Variants in ARMC9 observed in about 807,000 individuals in gnomAD.
ARMC9 encodes armadillo repeat containing 9.
In ARMC9, 94 loss-of-function variants were observed where a neutral mutation model predicts 107.0. That is an observed-to-expected ratio of 0.88 (90% CI 0.74 to 1.04). The LOEUF is 1.04. Ranked by LOEUF, ARMC9 falls within the 50% of genes least tolerant of loss-of-function variation. The pLI, the probability that ARMC9 is intolerant of heterozygous loss-of-function variation, is 0.00. For missense variants in ARMC9, 942 were observed against 1,030.1 expected, an observed-to-expected ratio of 0.91 and a Z score of 1.17; for synonymous variants, 380 against 396.9, an observed-to-expected ratio of 0.96 and a Z score of 0.51.
chr2:231,240,231 T>C (rs1553602504), intron 9 of ARMC9, 190 bp downstream of exon 9: 1 of 610,964 alleles, frequency 1.6e-6, no homozygotes, highest in Non-Finnish European at 2.8e-6. Context: ...GCTGGCCTCC[T>C]AGGGAGGGTG....
At chr2:231,364,317 A>T (rs2045720069) in intron 23 of ARMC9, among the ~76,000 whole-genome samples, 1 of 152,248 alleles carries the variant, frequency 6.6e-6, no homozygotes. Context: ...AGCTCCTCGC[A>T]CTCAGGCCCA....
chr2:231,213,116 T>C (rs893122834), intron 3 of ARMC9, among the ~76,000 whole-genome samples: 8 of 152,298 alleles, frequency 5.3e-5, no homozygotes, highest in Admixed American at 3.3e-4. Flanking sequence ...AAACAAGTAA[T>C]TTTTAAAAAT....
chr2:231,289,168 A>T (rs1486084148), intron 17 of ARMC9, among the ~76,000 whole-genome samples: 2 of 152,180 alleles, frequency 1.3e-5, no homozygotes, highest in African/African-American at 2.4e-5. Flanking sequence ...GTGATTTTTT[A>T]AAAATACATG....
intron 21 of ARMC9, among the ~76,000 whole-genome samples, chr2:231,353,521 AG>A (rs1465688174): frequency 1.9e-5 from 2 of 107,174 alleles, no homozygotes; most frequent in South Asian, 2.2e-4. Context: ...AAACCACACC[AG>A]GAAGGCCAGG....
At chr2:231,231,361 C>G (rs1404018703) in intron 7 of ARMC9, among the ~76,000 whole-genome samples, 1 of 152,066 alleles carries the variant, frequency 6.6e-6, no homozygotes, top group Non-Finnish European at 1.5e-5. Flanking sequence ...TAATTTTGAA[C>G]TCTCTATATA....
Position 231,216,776 on chromosome 2 carries a change from T to A in ARMC9, c.487T>A (p.Phe163Ile), listed in dbSNP as rs1405827524. ...FVPNPMVHPS[F>I]KELFQDSWTP... ...TCCCAACCCTATGGTGCACCCCTCA[T>A]TTAAAGAACTCTTCCAGGTAAATGT... Residue 163 changes from phenylalanine (F) to isoleucine (I), a missense_variant, in exon 5 of 25, where the codon TTT becomes ATT. Coordinates refer to ENST00000611582, the MANE Select transcript of ARMC9 (RefSeq NM_001352754.2). 1 of 1,612,846 alleles carries A rather than the reference T, an allele frequency of 6.2e-7. No homozygotes were observed. The highest frequency in any genetic ancestry group is 1.3e-5 in the African/African-American group (1 of 74,972).
chr2:231,301,448 A>G (rs1334957791), intron 19 of ARMC9, among the ~76,000 whole-genome samples: 3 of 152,152 alleles, frequency 2.0e-5, no homozygotes, highest in Non-Finnish European at 4.4e-5. Context: ...CTAGGAGAAC[A>G]TGAAGGAGCC....
rs1017688945 is a variant in ARMC9, at chr2:231,230,862, C to T, written c.622+4064C>T. Among the ~76,000 whole-genome samples, 7 of 152,172 alleles carry T rather than the reference C, an allele frequency of 4.6e-5. No individual in the cohort carries two copies. In the South Asian group the frequency reaches 1.0e-3, roughly 23 times the overall value. ...TGTTCAGTACAGGTGCTTCTTTTCC[C>T]GAATATTTTCAACCTGAGGTGGTTG... On this transcript the variant is annotated intron_variant, in intron 7 of 24. Transcript: ENST00000611582.
intron 9 of ARMC9, among the ~76,000 whole-genome samples, chr2:231,250,281 T>G (rs1341799452): frequency 6.6e-6 from 1 of 152,180 alleles, no homozygotes; most frequent in Non-Finnish European, 1.5e-5. Context: ...TTGGGGCTTG[T>G]GATTGTTGAT....
chr2:231,219,638 G>A (rs1449869452), intron 5 of ARMC9, among the ~76,000 whole-genome samples: 1 of 152,004 alleles, frequency 6.6e-6, no homozygotes, highest in Non-Finnish European at 1.5e-5. Flanking sequence ...GATTTGTTGG[G>A]TTTCCTGGAT....
intron 19 of ARMC9, among the ~76,000 whole-genome samples, chr2:231,313,594 T>G (rs2042479775): frequency 6.6e-6 from 1 of 152,162 alleles, no homozygotes; most frequent in Non-Finnish European, 1.5e-5. Flanking sequence ...TAAAATATTT[T>G]CATCACCCTG....
intron 9 of ARMC9, among the ~76,000 whole-genome samples, chr2:231,242,503 C>G (rs972481449): frequency 6.6e-6 from 1 of 152,218 alleles, no homozygotes; most frequent in Non-Finnish European, 1.5e-5. Flanking sequence ...GTAACTTCCT[C>G]ATGAGCCCCT....
In ARMC9 at chr2:231,369,988, C is replaced by T. The variant is rs2045955438; in HGVS notation, c.2297C>T (p.Ala766Val). 1 of 1,527,896 alleles carries T rather than the reference C, an allele frequency of 6.5e-7. No homozygotes were observed. Among genetic ancestry groups the T allele is most frequent in the Non-Finnish European group, 8.8e-7 (1 of 1,141,840 alleles). The allele number at this position is 1,527,896 out of a possible 1,614,324, so 94.6% of individuals were successfully genotyped here. A position where few individuals can be genotyped will look rare whatever the true frequency, so the allele number is the denominator to read the frequency against. Reference sequence around the variant, plus strand: ...TCAGCCTTCACCTGCAAGCCCCGGGCCCCCTGCACTCCAGAGATGCTGGAC... The same window carrying T: ...TCAGCCTTCACCTGCAAGCCCCGGGTCCCCTGCACTCCAGAGATGCTGGAC... ...CASAFTCKPR[A>V]PCTPEMLDWN... Residue 766 changes from alanine to valine, a missense_variant, in exon 24 of 25, where the codon GCC (alanine) becomes GTC (valine). Coordinates refer to ENST00000611582, the MANE Select transcript of ARMC9 (RefSeq NM_001352754.2).
Position 231,362,624 on chromosome 2 carries a change from T to C in ARMC9, c.2261+1741T>C, listed in dbSNP as rs991094244. 2 of 152,180 alleles carry C rather than the reference T, an allele frequency of 1.3e-5. No homozygotes were observed. The highest frequency in any genetic ancestry group is 2.9e-5 in the Non-Finnish European group (2 of 67,976). The allele number at this position is 152,180 out of a possible 1,614,324, so 9.4% of individuals were successfully genotyped here. On this transcript the variant is annotated intron_variant, in intron 23 of 24. Transcript: ENST00000611582. The surrounding 1 kb of genome is among the most constrained non-coding windows in gnomAD (Gnocchi z 4.7). ...CAGCTCTTATTTTAAGCCTGGGAGT[T>C]CAGTGTGAGGAAGAAGAGGATGGAA...
intron 19 of ARMC9, among the ~76,000 whole-genome samples, chr2:231,322,426 T>C (rs2043049682): frequency 6.6e-6 from 1 of 152,254 alleles, no homozygotes; most frequent in South Asian, 2.1e-4. Flanking sequence ...TATAATTATT[T>C]CAAGTGGAAA....
intron 11 of ARMC9, among the ~76,000 whole-genome samples, chr2:231,259,455 C>T (rs2038136134): frequency 1.3e-5 from 2 of 152,168 alleles, no homozygotes; most frequent in South Asian, 4.2e-4. Context: ...CAGCCACTGC[C>T]ATGCAGCCAC....
chr2:231,230,041 G>T (rs1487094561), intron 7 of ARMC9, among the ~76,000 whole-genome samples: 2 of 152,194 alleles, frequency 1.3e-5, no homozygotes, highest in East Asian at 3.9e-4. Context: ...TAACATGGAG[G>T]TTATAATAAG....
intron 19 of ARMC9, among the ~76,000 whole-genome samples, chr2:231,309,508 A>G (rs1206099537): frequency 1.3e-5 from 2 of 152,012 alleles, no homozygotes; most frequent in African/African-American, 4.8e-5. Context: ...TATTTATTTA[A>G]TAAATAAATA....
intron 10 of ARMC9, among the ~76,000 whole-genome samples, chr2:231,257,023 C>T (rs1025229039): frequency 1.3e-5 from 2 of 152,222 alleles, no homozygotes; most frequent in African/African-American, 4.8e-5. Context: ...CCATGTTGGT[C>T]AGGCTGGTCT....
Sources: gnomAD v4.1 joint callset for allele counts (sites outside exome capture counted in the v4.1 genomes callset) on GRCh38, gnomAD v4.1.1 for gene constraint, Gnocchi (gnomAD v3.1) non-coding constraint, MANE v1.5 for transcripts, NCBI Gene and HGNC (gene_info 2026-07-23, HGNC 2026-07-21) for gene names.